The following CLIP1 variants were observed in gnomAD, a reference collection of about 807,000 sequenced individuals.
CLIP1 encodes the protein CAP-Gly domain-containing linker protein 1.
Under a neutral mutation model 161.6 loss-of-function variants are expected in CLIP1, and 66 were observed. The ratio of observed to expected loss-of-function variants is 0.41; its 90% CI spans 0.33 to 0.50. The LOEUF is 0.50. Ranked by LOEUF, CLIP1 falls within the 20% of genes least tolerant of loss-of-function variation. The pLI is 0.27. For synonymous variants in CLIP1, 598 were observed against 626.2 expected (o/e 0.96, Z 0.67); for missense variants, 1,376 against 1,702.0 (o/e 0.81, Z 3.37).
Position 122,328,004 on chromosome 12 carries a change from C to A in CLIP1, c.3192G>T (p.Glu1064Asp). 1 of 1,614,178 alleles carries A rather than the reference C, an allele frequency of 6.2e-7. No homozygotes were observed. Among genetic ancestry groups the A allele is most frequent in the Non-Finnish European group, 8.5e-7 (1 of 1,180,036 alleles). ...CCAGCTCCTGCAGCAAGCCACTGTT[C>A]TCCTCCCGTGCGCCCTTCAGCTTGT... ...TEDKLKGAREENSGLLQELEE... is the reference protein window; with the variant it reads ...TEDKLKGAREDNSGLLQELEE... The change falls in exon 17 of 26, where the codon GAG (glutamate) becomes GAT (aspartate). Residue 1064 changes from glutamate (E) to aspartate (D), a missense_variant. Glu to Asp is a conservative substitution (Grantham distance 45). Transcript: ENST00000620786.
intron 24 of CLIP1, chr12:122,275,805 G>A (rs1392160521): frequency 6.6e-6 from 1 of 152,102 alleles, no homozygotes; most frequent in Non-Finnish European, 1.5e-5. Context: ...GATAATGGTG[G>A]AGCAATAAGT....
At chr12:122,334,862 T>C (rs1246513797) in intron 12 of CLIP1, among the ~76,000 whole-genome samples, 157 bp from the exon 13 acceptor site, 2 of 152,206 alleles carry the variant, frequency 1.3e-5, no homozygotes, top group Admixed American at 1.3e-4. Context: ...AATTACTACA[T>C]GTGGGTCATA....
intron 1 of CLIP1, among the ~76,000 whole-genome samples, chr12:122,414,556 A>C (rs1175890010): frequency 6.6e-6 from 1 of 150,546 alleles, no homozygotes; most frequent in Non-Finnish European, 1.5e-5. Flanking sequence ...CCTCCACCTC[A>C]AAGGTTCAAG....
intron 20 of CLIP1, among the ~76,000 whole-genome samples, chr12:122,293,484 C>CT (rs71082961): frequency 0.24 from 35,068 of 148,102 alleles, 4,913 homozygotes; most frequent in East Asian, 0.62. Flanking sequence ...ATTTCTTTTT[C>CT]TTTTTTTTTT....
At chr12:122,417,495 A>G (rs1379053390) in intron 1 of CLIP1, among the ~76,000 whole-genome samples, 1 of 145,044 alleles carries the variant, frequency 6.9e-6, no homozygotes, top group African/African-American at 2.6e-5. Context: ...TTAAAAAGGC[A>G]TAAAATTATT....
chr12:122,372,373 C>A (rs1954494090), intron 3 of CLIP1, among the ~76,000 whole-genome samples: 1 of 151,500 alleles, frequency 6.6e-6, no homozygotes, highest in African/African-American at 2.4e-5. Context: ...TGAGATTGCG[C>A]CATTGCACTC....
intron 7 of CLIP1, among the ~76,000 whole-genome samples, chr12:122,354,173 T>A (rs1330388004): frequency 6.6e-6 from 1 of 151,780 alleles, no homozygotes; most frequent in Non-Finnish European, 1.5e-5. Flanking sequence ...GGCAGATGGA[T>A]CTCCTGAGCT....
In CLIP1 at chr12:122,355,032, G is replaced by A. The variant is rs1176946784; in HGVS notation, c.1203+83C>T. On this transcript the variant is annotated intron_variant, in intron 6 of 25. Transcript: ENST00000620786. This position sits in a 1 kb window ranked among gnomAD's most constrained non-coding sequence, Gnocchi z 4.1. ...CTTGTGCTCTCAAGTCTAGCTCCTC[G>A]GTGCCAAGCACCGGGCATGCTTCTC... The A allele has an allele frequency of 1.1e-5, 14 of 1,240,268 alleles. No individual in the cohort carries two copies. The highest frequency in any genetic ancestry group is 3.9e-4 in the Middle Eastern group (2 of 5,174). 76.8% of individuals were successfully genotyped at this position (1,240,268 alleles called of 1,614,324 possible). A position where few individuals can be genotyped will look rare whatever the true frequency, so the allele number is the denominator to read the frequency against.
intron 3 of CLIP1, among the ~76,000 whole-genome samples, chr12:122,374,347 G>A (rs1262937198): frequency 1.3e-5 from 2 of 150,574 alleles, no homozygotes; most frequent in Non-Finnish European, 3.0e-5. Flanking sequence ...GCGGCCGGGC[G>A]CAGTGGCTCA....
chr12:122,363,495 CAAA>C (rs528966555), intron 4 of CLIP1, among the ~76,000 whole-genome samples: 17 of 110,384 alleles, frequency 1.5e-4, no homozygotes, highest in Non-Finnish European at 1.3e-4. Context: ...GGCCCTGTCT[CAAA>C]AAAAAAAAAA....
At chr12:122,275,994 ATT>A (rs1247297775) in intron 24 of CLIP1, among the ~76,000 whole-genome samples, 1 of 152,182 alleles carries the variant, frequency 6.6e-6, no homozygotes, top group Non-Finnish European at 1.5e-5. Context: ...TATCCTGAAC[ATT>A]TCCTTTCAAT....
At chr12:122,328,954 G>C (rs77023976) in intron 15 of CLIP1, among the ~76,000 whole-genome samples, 2,670 of 152,276 alleles carry the variant, frequency 0.018, 63 homozygotes, top group African/African-American at 0.057. Context: ...ATTATTTAGA[G>C]TAATAACTAC....
At chr12:122,294,174 A>G (rs1950374332) in intron 20 of CLIP1, among the ~76,000 whole-genome samples, 1 of 151,108 alleles carries the variant, frequency 6.6e-6, no homozygotes, top group South Asian at 2.1e-4. Context: ...TAAAAATACA[A>G]AAAAATTAGC....
At position 122,355,737 on chromosome 12, in the gene CLIP1, C is replaced by G. The variant is rs1047696804; in HGVS notation, c.1006-425G>C. 1.1e-5 allele frequency: 2 copies of G among 175,056 alleles called. No individual in the cohort carries two copies. Among genetic ancestry groups the G allele is most frequent in the Non-Finnish European group, 2.4e-5 (2 of 83,044 alleles). 10.8% of individuals were successfully genotyped at this position (175,056 alleles called of 1,614,324 possible). A position where few individuals can be genotyped will look rare whatever the true frequency, so the allele number is the denominator to read the frequency against. ...CAAGTGATTCTCCTGCTTCAGCCTC[C>G]CAAGTAGCTGGGATCACAGGCGTGC... is the stretch of plus-strand genomic sequence containing the variant. On this transcript the variant is annotated intron_variant, in intron 5 of 25. Transcript: ENST00000620786. The surrounding 1 kb of genome is among the most constrained non-coding windows in gnomAD (Gnocchi z 4.1).
intron 24 of CLIP1, chr12:122,276,700 C>CT (rs1423450185): frequency 3.3e-6 from 1 of 301,768 alleles, no homozygotes. Context: ...TTGAACATGA[C>CT]TAATACATAC....
At chr12:122,302,634 G>C (rs1246463693) in intron 20 of CLIP1, among the ~76,000 whole-genome samples, 2 of 151,928 alleles carry the variant, frequency 1.3e-5, no homozygotes, top group African/African-American at 4.8e-5. Flanking sequence ...ATCTTGCTCT[G>C]TCCCCCAGGC....
intron 1 of CLIP1, chr12:122,400,740 T>G (rs571626091): frequency 1.3e-5 from 2 of 152,282 alleles, no homozygotes; most frequent in African/African-American, 4.8e-5. Flanking sequence ...TAAAAAAGTT[T>G]GATACACAGT....
At chr12:122,400,279 A>T (rs989002035) in intron 1 of CLIP1, 1 of 152,176 alleles carries the variant, frequency 6.6e-6, no homozygotes, top group Admixed American at 6.5e-5. Flanking sequence ...GGCATTTGCA[A>T]ATTTTCTTCA....
At chr12:122,376,031 T>C (rs868079275) in intron 3 of CLIP1, among the ~76,000 whole-genome samples, 2 of 152,038 alleles carry the variant, frequency 1.3e-5, no homozygotes, top group South Asian at 2.1e-4. Context: ...CTCCACCTCC[T>C]GGGTTTAAGT....
Sources: allele counts gnomAD v4.1 joint callset (sites outside exome capture counted in the v4.1 genomes callset), GRCh38; gene constraint gnomAD v4.1.1; non-coding constraint Gnocchi (gnomAD v3.1); transcripts MANE v1.5; gene names NCBI Gene and HGNC (gene_info 2026-07-23, HGNC 2026-07-21).